Variants in TASP1 observed in about 807,000 individuals in gnomAD.
TASP1 encodes the protein taspase 1, also known as threonine aspartase 1.
In TASP1, 16 loss-of-function variants were observed where a neutral mutation model predicts 56.6. The ratio of observed to expected loss-of-function variants is 0.28; its 90% CI spans 0.19 to 0.43. TASP1 has a LOEUF of 0.43. TASP1 is among the 20% of genes least tolerant of loss of function. The pLI is 1.00. For synonymous variants in TASP1, 179 were observed against 184.2 expected (o/e 0.97, Z 0.23); for missense variants, 393 against 511.6 (o/e 0.77, Z 2.24).
intron 10 of TASP1, among the ~76,000 whole-genome samples, chr20:13,498,160 A>G (rs2043799800): frequency 6.6e-6 from 1 of 152,210 alleles, no homozygotes; most frequent in South Asian, 2.1e-4. Flanking sequence ...AAAAGAACCC[A>G]TCAACAGAGT....
chr20:13,276,357 G>C, the TASP1 span, among the ~76,000 whole-genome samples: 1 of 151,850 alleles, frequency 6.6e-6, no homozygotes, highest in East Asian at 1.9e-4. Flanking sequence ...GTGCATTTCC[G>C]AGCAAGAATC....
chr20:13,638,143 G>A (rs1287606775), intron 1 of TASP1, among the ~76,000 whole-genome samples: 1 of 152,106 alleles, frequency 6.6e-6, no homozygotes, highest in Admixed American at 6.6e-5. Context: ...TTTGTAAGTG[G>A]TGGGGAAAAG....
At chr20:13,587,216 T>C in intron 5 of TASP1, 34 bp downstream of exon 5, 1 of 1,580,788 alleles carries the variant, frequency 6.3e-7, no homozygotes, top group Non-Finnish European at 8.6e-7. Flanking sequence ...CGTGCATGAT[T>C]TTCCAAAGAT....
chr20:13,357,746 C>T, the TASP1 span, among the ~76,000 whole-genome samples: 1 of 152,140 alleles, frequency 6.6e-6, no homozygotes, highest in Non-Finnish European at 1.5e-5. Flanking sequence ...TGAAAACAAC[C>T]CAGTGCTCAA....
At chr20:13,164,459 CT>C in the TASP1 span, 1 of 516,612 alleles carries the variant, frequency 1.9e-6, no homozygotes, top group Admixed American at 2.4e-5. Flanking sequence ...AAAATAAAAC[CT>C]TTTAAGGGTA....
the TASP1 span, among the ~76,000 whole-genome samples, chr20:13,269,182 C>A: frequency 6.6e-6 from 1 of 152,304 alleles, no homozygotes; most frequent in East Asian, 1.9e-4. Context: ...ACATTAACCA[C>A]TGACCCAAAG....
intron 4 of TASP1, among the ~76,000 whole-genome samples, chr20:13,596,895 CTA>C: frequency 6.6e-6 from 1 of 152,234 alleles, no homozygotes. Context: ...TCAGAGAATA[CTA>C]TAAACAACTC....
intron 11 of TASP1, among the ~76,000 whole-genome samples, chr20:13,469,029 C>T (rs954721846): frequency 6.6e-6 from 1 of 151,982 alleles, no homozygotes; most frequent in African/African-American, 2.4e-5. Context: ...TCCATGGTCC[C>T]CCAAACTGGC....
At chr20:13,497,585 G>A (rs191863558) in intron 10 of TASP1, among the ~76,000 whole-genome samples, 12 of 152,226 alleles carry the variant, frequency 7.9e-5, no homozygotes, top group East Asian at 1.9e-4. Context: ...GCTGGTGCTC[G>A]GATCCCAGCC....
chr20:13,292,549 C>G, the TASP1 span: 9 of 819,120 alleles, frequency 1.1e-5, no homozygotes, highest in Non-Finnish European at 1.8e-5. Context: ...CTTGGATCCA[C>G]GTAAATGTTT....
chr20:13,140,413 A>G, the TASP1 span, among the ~76,000 whole-genome samples: 1 of 152,304 alleles, frequency 6.6e-6, no homozygotes, highest in South Asian at 2.1e-4. Context: ...TCACATTGGC[A>G]CCCAGCCCTT....
the TASP1 span, among the ~76,000 whole-genome samples, chr20:13,304,215 T>C: frequency 1.3e-5 from 2 of 152,142 alleles, no homozygotes; most frequent in Admixed American, 1.3e-4. Flanking sequence ...CAAGGGAGAC[T>C]GGGAAATGAA....
chr20:13,239,552 G>T, the TASP1 span: 1 of 152,182 alleles, frequency 6.6e-6, no homozygotes, highest in Non-Finnish European at 1.5e-5. Context: ...AGTACCTTTT[G>T]TGCCACCAGG....
chr20:13,451,633 G>C (rs577965867), intron 11 of TASP1, among the ~76,000 whole-genome samples: 34 of 152,248 alleles, frequency 2.2e-4, no homozygotes, highest in African/African-American at 6.7e-4. Context: ...ATTAAAGAGA[G>C]TTAGGATCTT....
Position 13,389,620 on chromosome 20 carries a change from A to G in TASP1, c.*740T>C, listed in dbSNP as rs770487326. 1 of 152,664 alleles carries G rather than the reference A, an allele frequency of 6.6e-6. No homozygotes were observed. Among genetic ancestry groups the G allele is most frequent in the Non-Finnish European group, 1.5e-5 (1 of 68,060 alleles). The allele number at this position is 152,664 out of a possible 1,614,324, so 9.5% of individuals were successfully genotyped here. ...CTGTGCATTACTGTATGTTCTCTTTACATATTCTTTCATAATATAGTCCAT... is the reference window on the plus strand; with the variant it reads ...CTGTGCATTACTGTATGTTCTCTTTGCATATTCTTTCATAATATAGTCCAT... On this transcript the variant is annotated 3_prime_UTR_variant, in exon 14 of 14. Transcript: ENST00000337743.
chr20:13,397,606 G>A (rs2041589116), intron 13 of TASP1, among the ~76,000 whole-genome samples: 1 of 152,144 alleles, frequency 6.6e-6, no homozygotes, highest in Admixed American at 6.5e-5. Flanking sequence ...TTAACTGCAG[G>A]AGGTTTTCAG....
chr20:13,117,614 C>T, the TASP1 span: 28 of 1,613,948 alleles, frequency 1.7e-5, no homozygotes, highest in South Asian at 5.5e-5. Flanking sequence ...TGGGCCCAAC[C>T]GGCCGGGGTG....
intron 1 of TASP1, among the ~76,000 whole-genome samples, chr20:13,633,455 G>A (rs906682742): frequency 6.6e-6 from 1 of 151,908 alleles, no homozygotes; most frequent in Admixed American, 6.6e-5. Context: ...ATTCATTTAC[G>A]GGAATACTAG....
At chr20:13,616,849 T>C (rs1483717561) in intron 4 of TASP1, 2 of 302,244 alleles carry the variant, frequency 6.6e-6, no homozygotes, top group Non-Finnish European at 1.3e-5. Context: ...AAAAAGAGTG[T>C]AACTTACTTT....
Sources: gnomAD v4.1 joint callset for allele counts (sites outside exome capture counted in the v4.1 genomes callset) on GRCh38, gnomAD v4.1.1 for gene constraint, MANE v1.5 for transcripts, NCBI Gene and HGNC (gene_info 2026-07-23, HGNC 2026-07-21) for gene names.